TPO: variants seen among roughly 807,000 people sequenced by gnomAD.
TPO encodes thyroid peroxidase.
TPO carries 78 observed loss-of-function variants against 96.9 expected under a neutral mutation model. That is an observed-to-expected ratio of 0.81 (90% confidence interval 0.67 to 0.97). TPO has a LOEUF of 0.97. Among genes scored for constraint, TPO ranks in the 50% least tolerant of loss-of-function variants. The pLI is 0.00. For synonymous variants in TPO, 547 were observed against 538.0 expected (o/e 1.02, Z -0.23); for missense variants, 1,252 against 1,274.8 (o/e 0.98, Z 0.27).
At chr2:1,530,084 C>G (rs1172255057) in intron 15 of TPO, among the ~76,000 whole-genome samples, 1 of 144,450 alleles carries the variant, frequency 6.9e-6, no homozygotes, top group Non-Finnish European at 1.5e-5. Context: ...GCAACCTCCT[C>G]AAATCCCCCC....
At chr2:1,503,782 C>A in intron 13 of TPO, 166 bp from the exon 14 acceptor site, 1 of 1,284,262 alleles carries the variant, frequency 7.8e-7, no homozygotes, top group Non-Finnish European at 1.1e-6. Flanking sequence ...ATCACCTTTT[C>A]GGATGTGCCG....
intron 1 of TPO, among the ~76,000 whole-genome samples, chr2:1,401,392 A>G (rs1404922278): frequency 6.6e-6 from 1 of 152,184 alleles, no homozygotes; most frequent in African/African-American, 2.4e-5. Context: ...CCCCAGCCAC[A>G]GGGGAGTTGG....
At chr2:1,529,720 CCCCCCACTGTGAGCAATCTCCTCAAA>C (rs1677590343) in intron 15 of TPO, among the ~76,000 whole-genome samples, 2 of 46,700 alleles carry the variant, frequency 4.3e-5, no homozygotes, top group Non-Finnish European at 9.1e-5. Flanking sequence ...CTCCTCAAAT[CCCCCCACTGTGAGCAATCTCCTCAAA>C]TCCCCCCACT....
upstream of TPO, chr2:1,374,174 A>G (rs1014810713): frequency 2.0e-5 from 3 of 152,216 alleles, no homozygotes; most frequent in Non-Finnish European, 4.4e-5. Context: ...TTATAAGGAA[A>G]GATAATTCAG....
intron 15 of TPO, among the ~76,000 whole-genome samples, chr2:1,527,462 G>A (rs1487531118): frequency 5.1e-5 from 7 of 137,342 alleles, no homozygotes; most frequent in Non-Finnish European, 9.1e-5. Context: ...ACCCCACTGT[G>A]TGCAACCTCC....
chr2:1,507,590 G>A (rs903068968), intron 14 of TPO, among the ~76,000 whole-genome samples: 2 of 152,068 alleles, frequency 1.3e-5, no homozygotes, highest in East Asian at 3.9e-4. Flanking sequence ...TCCTTCAAGA[G>A]GTCCTTCACA....
intron 15 of TPO, among the ~76,000 whole-genome samples, chr2:1,526,506 C>T (rs1025572891): frequency 1.6e-5 from 2 of 128,604 alleles, no homozygotes; most frequent in African/African-American, 6.0e-5. Context: ...CTGTGTGCAA[C>T]CCCCGCAAAT....
chr2:1,524,942 C>A lies in TPO; in HGVS notation c.2618+7960C>A, dbSNP rs567443460. ...CCCGCTGTGTGCAACCTCCTCAAAT[C>A]CCGACTCTGTGCAACCTCCCCAAAT... is the stretch of plus-strand genomic sequence containing the variant. On this transcript the variant is annotated intron_variant, in intron 15 of 16. Transcript: ENST00000329066. Among the ~76,000 whole-genome samples, 6 of 134,662 alleles carry A rather than the reference C, an allele frequency of 4.5e-5. No individual in the cohort carries two copies. In the South Asian group the frequency reaches 1.4e-3, roughly 32 times the overall value. 88.3% of individuals were successfully genotyped at this position (134,662 alleles called of 152,430 possible). A position where few individuals can be genotyped will look rare whatever the true frequency, so the allele number is the denominator to read the frequency against.
chr2:1,424,078 G>A (rs565491491), intron 3 of TPO, among the ~76,000 whole-genome samples: 4 of 152,152 alleles, frequency 2.6e-5, no homozygotes, highest in Admixed American at 1.3e-4. Flanking sequence ...CACCTGTGAC[G>A]CAGTGTCAGG....
At chr2:1,392,518 T>C (rs1662018048) in intron 1 of TPO, among the ~76,000 whole-genome samples, 1 of 152,238 alleles carries the variant, frequency 6.6e-6, no homozygotes, top group Admixed American at 6.5e-5. Flanking sequence ...GTTGGCCTCA[T>C]AAAATGAGTT....
At chr2:1,467,824 C>G (rs1277213432) in intron 7 of TPO, among the ~76,000 whole-genome samples, 1 of 151,426 alleles carries the variant, frequency 6.6e-6, no homozygotes, top group Non-Finnish European at 1.5e-5. Flanking sequence ...CTGTCTATCT[C>G]ATTTCTCAGT....
intron 15 of TPO, among the ~76,000 whole-genome samples, chr2:1,538,736 C>G (rs576586168): frequency 6.6e-6 from 1 of 152,226 alleles, no homozygotes; most frequent in Admixed American, 6.5e-5. Context: ...GCGAGGGCTG[C>G]CATAACAAAG....
At chr2:1,523,379 A>G (rs1246126614) in intron 15 of TPO, among the ~76,000 whole-genome samples, 1 of 111,490 alleles carries the variant, frequency 9.0e-6, no homozygotes. Context: ...AACCTCCCCA[A>G]ATACCTCCCA....
chr2:1,435,061 G>A (rs1665425215), intron 4 of TPO, among the ~76,000 whole-genome samples: 1 of 152,156 alleles, frequency 6.6e-6, no homozygotes, highest in Non-Finnish European at 1.5e-5. Context: ...AGCCTCCTGA[G>A]TAACTGGGAC....
chr2:1,421,677 G>T (rs947709828), intron 2 of TPO, among the ~76,000 whole-genome samples: 1 of 152,224 alleles, frequency 6.6e-6, no homozygotes, highest in Non-Finnish European at 1.5e-5. Flanking sequence ...AAAATTCCAG[G>T]TGTCTTATAT....
Position 1,477,227 on chromosome 2 carries a change from A to G in TPO, c.961A>G (p.Thr321Ala), listed in dbSNP as rs1172042306. 6.2e-7 allele frequency: 1 copy of G among 1,609,406 alleles called. No individual in the cohort carries two copies. The highest frequency in any genetic ancestry group is 2.2e-5 in the East Asian group (1 of 44,704). Residue 321 changes from threonine (T) to alanine (A), a missense_variant, in exon 8 of 17, where the codon ACC (threonine) becomes GCC (alanine). Physicochemically the swap from Thr to Ala is moderately conservative, Grantham distance 58. Coordinates refer to ENST00000329066, the MANE Select transcript of TPO (RefSeq NM_001206744.2). ...ANPRQQMNGL[T>A]SFLDASTVYG... is the part of the protein sequence containing the mutation. ...CCCGCGGCAGCAGATGAACGGGTTG[A>G]CCTCGTTCCTGGACGCGTCCACCGT...
chr2:1,529,200 C>G (rs531674744), intron 15 of TPO, among the ~76,000 whole-genome samples: 7 of 54,310 alleles, frequency 1.3e-4, no homozygotes, highest in African/African-American at 4.7e-4. Flanking sequence ...CCCCCCCACT[C>G]TGTGCAACCT....
chr2:1,444,434 T>C (rs1343795955), intron 5 of TPO, among the ~76,000 whole-genome samples: 1 of 145,610 alleles, frequency 6.9e-6, no homozygotes, highest in East Asian at 2.1e-4. Flanking sequence ...TGGAAGGGAA[T>C]GGAGCTGGCT....
intron 8 of TPO, among the ~76,000 whole-genome samples, chr2:1,478,734 G>A (rs1403657381): frequency 6.6e-6 from 1 of 152,134 alleles, no homozygotes; most frequent in African/African-American, 2.4e-5. Flanking sequence ...CACAGCAGAC[G>A]AGCTCACTGT....
Sources: gnomAD v4.1 joint callset for allele counts (sites outside exome capture counted in the v4.1 genomes callset) on GRCh38, gnomAD v4.1.1 for gene constraint, MANE v1.5 for transcripts, NCBI Gene and HGNC (gene_info 2026-07-23, HGNC 2026-07-21) for gene names.